Variants in TAP1 observed in about 807,000 individuals in gnomAD.
The protein encoded by TAP1 is antigen peptide transporter 1.
In TAP1, 56 loss-of-function variants were observed where a neutral mutation model predicts 79.3. That is an observed-to-expected ratio of 0.71 (90% CI 0.57 to 0.88). The LOEUF (loss-of-function observed/expected upper bound fraction) is 0.88. TAP1 is among the 40% of genes least tolerant of loss of function. The probability of loss-of-function intolerance (pLI) is 0.00; values close to 1 mark genes in which losing one functional copy is unlikely to be tolerated. For synonymous variants in TAP1, 355 were observed against 401.4 expected (o/e 0.88, Z 1.38); for missense variants, 737 against 936.3 (o/e 0.79, Z 2.78).
Position 32,853,548 on chromosome 6 carries a change from A to C in TAP1, c.89T>G (p.Leu30Arg). Residue 30 changes from leucine (L) to arginine (R), a missense_variant, in exon 1 of 11, where the codon CTC becomes CGC. This residue lies in a region of TAP1 where 45 missense variants were observed against 60.2 expected (regional missense o/e 0.75). Coordinates refer to ENST00000354258, the MANE Select transcript of TAP1 (RefSeq NM_000593.6). The surrounding 1 kb of genome is among the most constrained non-coding windows in gnomAD (Gnocchi z 8.3). ...GGTCCGGAGCAGCACCCAGTCGGCG[A>C]GAAGTAGCAGTACTGTCCCCAGCCA... ...LAWLGTVLLL[L>R]ADWVLLRTAL... is the part of the protein sequence containing the mutation. 1 of 1,610,576 alleles carries C rather than the reference A, an allele frequency of 6.2e-7. No homozygotes were observed. Among genetic ancestry groups the C allele is most frequent in the African/African-American group, 1.3e-5 (1 of 74,962 alleles).
chr6:32,852,705 G>A lies in TAP1; in HGVS notation c.599-203C>T, dbSNP rs548922738. 2.0e-6 allele frequency: 3 copies of A among 1,464,044 alleles called. No homozygotes were observed. Among genetic ancestry groups the A allele is most frequent in the South Asian group, 2.8e-5 (2 of 71,408 alleles). 90.7% of individuals were successfully genotyped at this position (1,464,044 alleles called of 1,614,324 possible). Reference sequence around the variant, plus strand: ...GTGGTTGCTCTACCAGAACTTTCAGGATTTTATTAGGAAGGCTGGAGATCA... The same window carrying A: ...GTGGTTGCTCTACCAGAACTTTCAGAATTTTATTAGGAAGGCTGGAGATCA... On this transcript the variant is annotated intron_variant, in intron 1 of 10. Coordinates refer to ENST00000354258, the MANE Select transcript of TAP1 (RefSeq NM_000593.6). The surrounding 1 kb of genome is among the most constrained non-coding windows in gnomAD (Gnocchi z 4.8).
intron 5 of TAP1, chr6:32,849,422 G>T: frequency 2.1e-6 from 1 of 479,716 alleles, no homozygotes; most frequent in Non-Finnish European, 3.8e-6. Flanking sequence ...TATAAAGAAG[G>T]TTATATCACT....
At chr6:32,849,173 A>G in intron 5 of TAP1, 55 bp from the exon 6 acceptor site, 1 of 1,552,082 alleles carries the variant, frequency 6.4e-7, no homozygotes, top group Non-Finnish European at 8.7e-7. Context: ...GAGGGGACAC[A>G]AAGAACCGCA....
Position 32,845,504 on chromosome 6 carries a change from A to G in TAP1, c.*75T>C. Reference sequence around the variant, plus strand: ...TAACTCATCCTGGAGGCAGCTGCCTACTCTGCAGCTGTGGTTCTCCACCAC... The same window carrying G: ...TAACTCATCCTGGAGGCAGCTGCCTGCTCTGCAGCTGTGGTTCTCCACCAC... On this transcript the variant is annotated 3_prime_UTR_variant, in exon 11 of 11. Transcript: ENST00000354258. The surrounding 1 kb of genome is among the most constrained non-coding windows in gnomAD (Gnocchi z 4.5). The G allele has an allele frequency of 6.5e-7, 1 of 1,531,100 alleles. No homozygotes were observed. Among genetic ancestry groups the G allele is most frequent in the Non-Finnish European group, 9.0e-7 (1 of 1,107,894 alleles). The allele number at this position is 1,531,100 out of a possible 1,614,324, so 94.8% of individuals were successfully genotyped here. A position where few individuals can be genotyped will look rare whatever the true frequency, so the allele number is the denominator to read the frequency against.
In TAP1 at chr6:32,847,315, G is replaced by A. The variant is rs979229984; in HGVS notation, c.1904-111C>T. On this transcript the variant is annotated intron_variant, in intron 9 of 10. Coordinates refer to ENST00000354258, the MANE Select transcript of TAP1 (RefSeq NM_000593.6). The surrounding 1 kb of genome is among the most constrained non-coding windows in gnomAD (Gnocchi z 4.7). ...GCACTCACACACACCAAGATCTGACGGTTGTAGCTGGATAGGGGAGATTCT... is the reference window on the plus strand; with the variant it reads ...GCACTCACACACACCAAGATCTGACAGTTGTAGCTGGATAGGGGAGATTCT... 2.5e-5 allele frequency: 39 copies of A among 1,539,366 alleles called. 1 individual carries two copies. In the South Asian group the frequency reaches 2.6e-4, roughly 10 times the overall value.
At position 32,851,059 on chromosome 6, in the gene TAP1, C is replaced by T. The variant is rs1226281975; in HGVS notation, c.935G>A (p.Arg312Gln). Residue 312 changes from arginine (R) to glutamine (Q), a missense_variant, in exon 4 of 11, where the codon CGA becomes CAA. Around this residue, in one of 5 missense-constraint regions of TAP1, gnomAD observed 406 missense variants for 477.2 expected, o/e 0.85. Transcript: ENST00000354258. The surrounding 1 kb of genome is among the most constrained non-coding windows in gnomAD (Gnocchi z 4.8). ...NLSLFLWYLV[R>Q]GLCLLGIMLW... is the part of the protein sequence containing the mutation. ...CATGATCCCCAAGAGACATAGGCCT[C>T]GCACCAGGTACCACAGAAATAAGCT... 3.1e-6 allele frequency: 5 copies of T among 1,612,874 alleles called. No homozygotes were observed. Among genetic ancestry groups the T allele is most frequent in the Non-Finnish European group, 4.2e-6 (5 of 1,180,036 alleles).
chr6:32,849,102 A>G lies in TAP1; in HGVS notation c.1265T>C (p.Leu422Pro), dbSNP rs962182792. ...ACCAATGTAGAGGATTCCCACTTTCAGCAGCATACCTGAAATCTATAAAGA... is the reference window on the plus strand; with the variant it reads ...ACCAATGTAGAGGATTCCCACTTTCGGCAGCATACCTGAAATCTATAAAGA... ...SWTTSISGML[L>P]KVGILYIGGQ... is the part of the protein sequence containing the mutation. The change falls in exon 6 of 11, where the codon CTG (leucine) becomes CCG (proline). Residue 422 changes from leucine to proline, a missense_variant. By Grantham distance (98) the Leu-to-Pro change is moderately conservative (BLOSUM62 -3). Coordinates refer to ENST00000354258, the MANE Select transcript of TAP1 (RefSeq NM_000593.6). 3.2e-6 allele frequency: 5 copies of G among 1,586,312 alleles called. No homozygotes were observed. In the African/African-American group the frequency reaches 5.4e-5, roughly 17 times the overall value.
rs1437519067 is a variant in TAP1, at chr6:32,851,731, A to G, written c.844+378T>C. Among the ~76,000 whole-genome samples, 1 of 152,194 alleles carries G rather than the reference A, an allele frequency of 6.6e-6. No individual in the cohort carries two copies. Among genetic ancestry groups the G allele is most frequent in the Non-Finnish European group, 1.5e-5 (1 of 68,034 alleles). On this transcript the variant is annotated intron_variant, in intron 3 of 10. Transcript: ENST00000354258. The surrounding 1 kb of genome is among the most constrained non-coding windows in gnomAD (Gnocchi z 4.8). ...TGGCCTCAGTTTCCTTCTCTGTCAG[A>G]TGAGGCAGTTGGTCTCTATGAGCTC... is the stretch of plus-strand genomic sequence containing the variant.
Position 32,845,551 on chromosome 6 carries a change from G to C in TAP1, c.*28C>G. 1 of 1,610,168 alleles carries C rather than the reference G, an allele frequency of 6.2e-7. No individual in the cohort carries two copies. Among genetic ancestry groups the C allele is most frequent in the Non-Finnish European group, 8.5e-7 (1 of 1,177,412 alleles). On this transcript the variant is annotated 3_prime_UTR_variant, in exon 11 of 11. Coordinates refer to ENST00000354258, the MANE Select transcript of TAP1 (RefSeq NM_000593.6). This position sits in a 1 kb window ranked among gnomAD's most constrained non-coding sequence, Gnocchi z 4.5. The stretch of plus-strand genomic sequence containing the variant: ...CCACAGAGAGAAGAAAAGGGAGGGA[G>C]ATGGAGTGCGCAGGTCTGAGAAGGC...
Position 32,850,598 on chromosome 6 carries a change from T to C in TAP1, c.1051-81A>G, listed in dbSNP as rs1770722797. On this transcript the variant is annotated intron_variant, in intron 4 of 10. Transcript: ENST00000354258. The surrounding 1 kb of genome is among the most constrained non-coding windows in gnomAD (Gnocchi z 5.5). ...AATACCTGAGTTACCTATTTGGAAATTAAAGGTGAGAAGAGACAGAGGAAA... is the reference window on the plus strand; with the variant it reads ...AATACCTGAGTTACCTATTTGGAAACTAAAGGTGAGAAGAGACAGAGGAAA... 1.6e-6 allele frequency: 2 copies of C among 1,273,844 alleles called. No individual in the cohort carries two copies. The highest frequency in any genetic ancestry group is 2.2e-6 in the Non-Finnish European group (2 of 890,700). The allele number at this position is 1,273,844 out of a possible 1,614,324, so 78.9% of individuals were successfully genotyped here.
Position 32,845,860 on chromosome 6 carries a change from G to T in TAP1, c.2041-75C>A. 7.7e-7 allele frequency: 1 copy of T among 1,296,722 alleles called. No homozygotes were observed. The highest frequency in any genetic ancestry group is 1.1e-6 in the Non-Finnish European group (1 of 919,548). 80.3% of individuals were successfully genotyped at this position (1,296,722 alleles called of 1,614,324 possible). On this transcript the variant is annotated intron_variant, in intron 10 of 10. Transcript: ENST00000354258. This position sits in a 1 kb window ranked among gnomAD's most constrained non-coding sequence, Gnocchi z 4.5. ...GGAGACACCTGTGTTTCCAGGGCTG[G>T]GACTGACCTCACAGGATCACTGCTG...
rs770660372 is a variant in TAP1 at position 32,853,658 on chromosome 6, G to A, written c.-22C>T. 6.2e-7 allele frequency: 1 copy of A among 1,601,880 alleles called. No individual in the cohort carries two copies. The highest frequency in any genetic ancestry group is 2.3e-5 in the East Asian group (1 of 44,390). ...CCATTGGCACTCGGACGCCGTCCCG[G>A]TCCCGGCCGGGCCTGGGACTCTCCG... On this transcript the variant is annotated 5_prime_UTR_variant, in exon 1 of 11. Coordinates refer to ENST00000354258, the MANE Select transcript of TAP1 (RefSeq NM_000593.6). This position sits in a 1 kb window ranked among gnomAD's most constrained non-coding sequence, Gnocchi z 8.3.
chr6:32,848,855 G>T lies in TAP1; in HGVS notation c.1378-15C>A, dbSNP rs375798418. 6.2e-6 allele frequency: 10 copies of T among 1,613,652 alleles called. No individual in the cohort carries two copies. Among genetic ancestry groups the T allele is most frequent in the Non-Finnish European group, 8.5e-6 (10 of 1,180,034 alleles). ...GAGAGCAGTACCTAGAGGGAGGTAA[G>T]AATAGTGAAAGTGAGGTAGTCTGCT... On this transcript the variant is annotated splice_polypyrimidine_tract_variant and intron_variant, in intron 6 of 10. Coordinates refer to ENST00000354258, the MANE Select transcript of TAP1 (RefSeq NM_000593.6).
intron 7 of TAP1, 38 bp from the exon 8 acceptor site, chr6:32,848,130 G>T: frequency 1.9e-6 from 3 of 1,562,068 alleles, no homozygotes; most frequent in Non-Finnish European, 2.6e-6. Flanking sequence ...AGGCTACCAA[G>T]GCCTCTAACC....
chr6:32,846,775 C>T (rs1770441132), intron 10 of TAP1, among the ~76,000 whole-genome samples: 1 of 151,622 alleles, frequency 6.6e-6, no homozygotes, highest in African/African-American at 2.4e-5. Context: ...CAAGATTGTG[C>T]CACTGCGCTC....
Position 32,853,472 on chromosome 6 carries a change from G to A in TAP1, c.165C>T (p.Leu55=), listed in dbSNP as rs1770940328. The change falls in exon 1 of 11, where the codon CTC becomes CTT. Residue 55 remains leucine (L), a synonymous_variant. Transcript: ENST00000354258. The surrounding 1 kb of genome is among the most constrained non-coding windows in gnomAD (Gnocchi z 8.3). ...GGCTCAGGCCCACCGCCCAGACCCG[G>A]AGCAGTGGCAGCGCGGTGGGCACCA... is the stretch of plus-strand genomic sequence containing the variant. The part of the protein sequence containing the change: ...SLLVPTALPL[L]RVWAVGLSRW... The A allele has an allele frequency of 6.2e-7, 1 of 1,610,454 alleles. No homozygotes were observed. The highest frequency in any genetic ancestry group is 8.5e-7 in the Non-Finnish European group (1 of 1,178,240).
intron 10 of TAP1, chr6:32,846,050 T>A (rs1770370851): frequency 1.8e-6 from 1 of 562,998 alleles, no homozygotes; most frequent in Admixed American, 3.0e-5. Flanking sequence ...TATTGAATAG[T>A]CCTCTTCTCT....
At position 32,852,261 on chromosome 6, in the gene TAP1, A is replaced by C; in HGVS notation, c.714-22T>G. 2 of 1,613,012 alleles carry C rather than the reference A, an allele frequency of 1.2e-6. No homozygotes were observed. The highest frequency in any genetic ancestry group is 1.1e-5 in the South Asian group (1 of 91,086). On this transcript the variant is annotated intron_variant, in intron 2 of 10. Coordinates refer to ENST00000354258, the MANE Select transcript of TAP1 (RefSeq NM_000593.6). The surrounding 1 kb of genome is among the most constrained non-coding windows in gnomAD (Gnocchi z 4.8). ...TGCACTATAAAGAACCCGGAAAAAA[A>C]GGGGATCAGGGTGTGTTCAGGGAAC...
In TAP1 at chr6:32,853,478, T is replaced by C. The variant is rs144037908; in HGVS notation, c.159A>G (p.Pro53=). 9.9e-5 allele frequency: 159 copies of C among 1,610,168 alleles called. No individual in the cohort carries two copies. The African/African-American group carries it at 1.1e-3, about 12-fold the overall frequency. The change falls in exon 1 of 11, where the codon CCA becomes CCG. Residue 53 remains proline (P), a synonymous_variant. Transcript: ENST00000354258. The surrounding 1 kb of genome is among the most constrained non-coding windows in gnomAD (Gnocchi z 8.3). ...IFSLLVPTAL[P]LLRVWAVGLS... ...GGCCCACCGCCCAGACCCGGAGCAG[T>C]GGCAGCGCGGTGGGCACCAGCAGGG...
Sources: gnomAD v4.1 joint callset for allele counts (sites outside exome capture counted in the v4.1 genomes callset) on GRCh38, gnomAD v4.1.1 for gene constraint, gnomAD v4.1.1 regional missense constraint, Gnocchi (gnomAD v3.1) non-coding constraint, MANE v1.5 for transcripts, NCBI Gene and HGNC (gene_info 2026-07-23, HGNC 2026-07-21) for gene names.